The following MNS1 variants were observed in gnomAD, a reference collection of about 807,000 sequenced individuals.
The protein encoded by MNS1 is meiosis-specific nuclear structural protein 1.
In MNS1, 63 loss-of-function variants were observed where a neutral mutation model predicts 72.0. The observed-to-expected ratio is 0.87, with a 90% confidence interval of 0.71 to 1.08. The LOEUF is 1.08. Ranked by LOEUF, MNS1 falls within the 50% of genes least tolerant of loss-of-function variation. The probability of loss-of-function intolerance (pLI) is 0.00; values close to 1 mark genes in which losing one functional copy is unlikely to be tolerated. For missense variants in MNS1, 604 were observed against 562.4 expected, an observed-to-expected ratio of 1.07 and a Z score of -0.75; for synonymous variants, 188 against 172.1, an observed-to-expected ratio of 1.09 and a Z score of -0.72.
At position 56,443,727 on chromosome 15, in the gene MNS1, C is replaced by CT. The variant is rs2050858421; in HGVS notation, c.813dup (p.Glu272ArgfsTer4). 2 of 1,613,102 alleles carry CT rather than the reference C, an allele frequency of 1.2e-6. No individual in the cohort carries two copies. The highest frequency in any genetic ancestry group is 1.7e-5 in the Admixed American group (1 of 59,956). On this transcript the variant is annotated frameshift_variant, in exon 6 of 10. Coordinates refer to ENST00000260453, the MANE Select transcript of MNS1 (RefSeq NM_018365.4). LOFTEE classifies it high-confidence loss of function. ...CTTTGCTGCTGCATGTTAGCAAACT[C>CT]TATGATTTTTCTGTTTTCTTCTTCC... is the stretch of plus-strand genomic sequence containing the variant.
intron 7 of MNS1, among the ~76,000 whole-genome samples, chr15:56,441,681 A>C (rs2050816431): frequency 1.3e-5 from 2 of 152,214 alleles, no homozygotes. Context: ...TCTAATATCC[A>C]TAATATCTAA....
intron 3 of MNS1, among the ~76,000 whole-genome samples, chr15:56,455,247 GA>G (rs56339584): frequency 0.67 from 55,304 of 83,110 alleles, 17,645 homozygotes; most frequent in Middle Eastern, 0.82. Context: ...ATCGTCAGGT[GA>G]AAAAAAAAAA....
intron 7 of MNS1, among the ~76,000 whole-genome samples, chr15:56,441,356 G>A (rs2050811085): frequency 6.6e-6 from 1 of 151,908 alleles, no homozygotes; most frequent in African/African-American, 2.4e-5. Context: ...TTTGTGTTCT[G>A]CTGTTGTTGG....
At chr15:56,434,466 G>A in intron 7 of MNS1, 71 bp from the exon 8 acceptor site, 2 of 1,455,352 alleles carry the variant, frequency 1.4e-6, no homozygotes, top group South Asian at 2.6e-5. Context: ...AAGAGTGATA[G>A]AGTTTGGTTA....
chr15:56,434,459 A>C, intron 7 of MNS1, 64 bp from the exon 8 acceptor site: 1 of 1,479,718 alleles, frequency 6.8e-7, no homozygotes, highest in Non-Finnish European at 9.1e-7. Flanking sequence ...ATAAGGAAAG[A>C]GTGATAGAGT....
chr15:56,448,398 CCT>C (rs2050923318), intron 3 of MNS1, among the ~76,000 whole-genome samples: 1 of 152,154 alleles, frequency 6.6e-6, no homozygotes, highest in African/African-American at 2.4e-5. Context: ...CCTCCTCCAC[CCT>C]CTCATAGTTC....
At chr15:56,431,319 T>C in intron 9 of MNS1, 54 bp downstream of exon 9, 1 of 1,579,242 alleles carries the variant, frequency 6.3e-7, no homozygotes, top group Non-Finnish European at 8.6e-7. Context: ...AATACCATGT[T>C]TTTTTCACTA....
intron 3 of MNS1, among the ~76,000 whole-genome samples, chr15:56,448,197 C>A (rs139123815): frequency 6.6e-6 from 1 of 152,150 alleles, no homozygotes. Context: ...AGTAGATGCA[C>A]GTTCAGCGTT....
At chr15:56,447,861 G>A (rs2050919362) in intron 3 of MNS1, among the ~76,000 whole-genome samples, 1 of 152,092 alleles carries the variant, frequency 6.6e-6, no homozygotes, top group Admixed American at 6.6e-5. Context: ...GTCACCTTAG[G>A]CAGTATAAAT....
Position 56,432,645 on chromosome 15 carries a change from T to C in MNS1, c.1270-1147A>G, listed in dbSNP as rs1346079352. Among the ~76,000 whole-genome samples, 3 of 152,326 alleles carry C rather than the reference T, an allele frequency of 2.0e-5. 1 individual carries two copies. In the East Asian group the frequency reaches 5.8e-4, roughly 29 times the overall value. ...AGTATCTATGCATTAGGTGGCTTTATCTGATTTCCATTTAGTTTTTAGTCT... is the reference window on the plus strand; with the variant it reads ...AGTATCTATGCATTAGGTGGCTTTACCTGATTTCCATTTAGTTTTTAGTCT... On this transcript the variant is annotated intron_variant, in intron 8 of 9. Transcript: ENST00000260453.
Position 56,450,406 on chromosome 15 carries a change from C to T in MNS1, c.354-3463G>A, listed in dbSNP as rs547554770. 5.3e-5 allele frequency among the ~76,000 whole-genome samples: 8 copies of T among 152,228 alleles called. No individual in the cohort carries two copies. The South Asian group carries it at 1.0e-3, about 20-fold the overall frequency. On this transcript the variant is annotated intron_variant, in intron 3 of 9. Coordinates refer to ENST00000260453, the MANE Select transcript of MNS1 (RefSeq NM_018365.4). ...AAAGAGAAATGCTGCACCTCTTAAACGATAACTCCCCATTCTTCCCTCTCC... is the reference window on the plus strand; with the variant it reads ...AAAGAGAAATGCTGCACCTCTTAAATGATAACTCCCCATTCTTCCCTCTCC...
intron 7 of MNS1, among the ~76,000 whole-genome samples, chr15:56,437,647 A>ATT (rs2050750187): frequency 6.6e-6 from 1 of 152,210 alleles, no homozygotes; most frequent in Non-Finnish European, 1.5e-5. Flanking sequence ...AAGAAAGGGT[A>ATT]TTCAATTAGG....
At position 56,443,745 on chromosome 15, in the gene MNS1, C is replaced by G. The variant is rs768102720; in HGVS notation, c.796G>C (p.Glu266Gln). The change falls in exon 6 of 10, where the codon GAA (glutamate) becomes CAA (glutamine). Residue 266 changes from glutamate to glutamine, a missense_variant. Glu to Gln is a conservative substitution (Grantham distance 29, BLOSUM62 2). Coordinates refer to ENST00000260453, the MANE Select transcript of MNS1 (RefSeq NM_018365.4). ...GCAAACTCTATGATTTTTCTGTTTT[C>G]TTCTTCCATCTCCTCACGTTTCTTT... ...RKKKREEMEE[E>Q]NRKIIEFANM... 6.2e-7 allele frequency: 1 copy of G among 1,612,958 alleles called. No homozygotes were observed. Among genetic ancestry groups the G allele is most frequent in the Non-Finnish European group, 8.5e-7 (1 of 1,179,682 alleles).
At chr15:56,444,280 G>A (rs6493858) in intron 5 of MNS1, among the ~76,000 whole-genome samples, 164 bp downstream of exon 5, 67,890 of 151,726 alleles carry the variant, frequency 0.45, 15,400 homozygotes, top group African/African-American at 0.5. Flanking sequence ...TTATGCTAAC[G>A]GAGATGAGAA....
chr15:56,464,025 C>A lies in MNS1; in HGVS notation c.225+1G>T, dbSNP rs752006727. 1 of 1,602,116 alleles carries A rather than the reference C, an allele frequency of 6.2e-7. No homozygotes were observed. Among genetic ancestry groups the A allele is most frequent in the Non-Finnish European group, 8.5e-7 (1 of 1,175,128 alleles). On this transcript the variant is annotated splice_donor_variant, in intron 2 of 9. Transcript: ENST00000260453. LOFTEE classifies it high-confidence loss of function. Reference sequence around the variant, plus strand: ...AAGTAACAATGAATAGTAAAACTTACCTTTTGAATGGCCTCTTCCATATCC... The same window carrying A: ...AAGTAACAATGAATAGTAAAACTTAACTTTTGAATGGCCTCTTCCATATCC...
rs1267694551 is a variant in MNS1 at position 56,429,035 on chromosome 15, C to T, written c.*66G>A. 11 of 1,049,200 alleles carry T rather than the reference C, an allele frequency of 1.0e-5. No individual in the cohort carries two copies. The highest frequency in any genetic ancestry group is 2.7e-5 in the East Asian group (1 of 37,412). The allele number at this position is 1,049,200 out of a possible 1,614,324, so 65.0% of individuals were successfully genotyped here. On this transcript the variant is annotated 3_prime_UTR_variant, in exon 10 of 10. Coordinates refer to ENST00000260453, the MANE Select transcript of MNS1 (RefSeq NM_018365.4). ...TACCTAATGCCACTGAACTGTAAAACAAAAGTTATGCTGACATCTAGTGGT... is the reference window on the plus strand; with the variant it reads ...TACCTAATGCCACTGAACTGTAAAATAAAAGTTATGCTGACATCTAGTGGT...
intron 2 of MNS1, among the ~76,000 whole-genome samples, chr15:56,461,115 T>C (rs1260396502): frequency 6.6e-6 from 1 of 152,216 alleles, no homozygotes; most frequent in Non-Finnish European, 1.5e-5. Context: ...CTTTTTGTTC[T>C]ATTCAGGCCT....
chr15:56,431,544 T>G, intron 8 of MNS1, 46 bp from the exon 9 acceptor site: 1 of 1,600,736 alleles, frequency 6.2e-7, no homozygotes. Flanking sequence ...ACATTAATCT[T>G]ATACGAAGTT....
At chr15:56,441,320 G>T (rs753649430) in intron 7 of MNS1, among the ~76,000 whole-genome samples, 1 of 151,808 alleles carries the variant, frequency 6.6e-6, no homozygotes. Flanking sequence ...GATCTATCTC[G>T]GTGAAGGTTC....
Sources: allele counts gnomAD v4.1 joint callset (sites outside exome capture counted in the v4.1 genomes callset), GRCh38; gene constraint gnomAD v4.1.1; transcripts MANE v1.5; gene names NCBI Gene and HGNC (gene_info 2026-07-23, HGNC 2026-07-21).